Variants in TTC9C observed in about 807,000 individuals in gnomAD.
The protein encoded by TTC9C is tetratricopeptide repeat protein 9C.
In TTC9C, 15 loss-of-function variants were observed where a neutral mutation model predicts 22.5. That is an observed-to-expected ratio of 0.67 (90% CI 0.45 to 1.03). The LOEUF is 1.03. Among genes scored for constraint, TTC9C ranks in the 50% least tolerant of loss-of-function variants. The pLI, the probability that TTC9C is intolerant of heterozygous loss-of-function variation, is 0.00. For missense variants in TTC9C, 244 were observed against 214.6 expected (o/e 1.14, Z -0.86); for synonymous variants, 92 against 86.8 (o/e 1.06, Z -0.33).
In TTC9C at chr11:62,728,909, G is replaced by C. The variant is rs147928142; in HGVS notation, c.61G>C (p.Glu21Gln). The C allele has an allele frequency of 6.2e-7, 1 of 1,614,218 alleles. No individual in the cohort carries two copies. Among genetic ancestry groups the C allele is most frequent in the African/African-American group, 1.3e-5 (1 of 75,058 alleles). The change falls in exon 1 of 3, where the codon GAA becomes CAA. Residue 21 changes from glutamate (E) to glutamine (Q), a missense_variant. By Grantham distance (29) the Glu-to-Gln change is conservative. Coordinates refer to ENST00000316461, the MANE Select transcript of TTC9C (RefSeq NM_173810.4). ...YKEEGNQRYR[E>Q]GKYRDAVSRY... ...GGAGGAAGGGAACCAGCGCTACCGG[G>C]AAGGGAAGTACCGAGATGCTGTGAG...
At chr11:62,738,153 G>C in intron 2 of TTC9C, 135 bp from the exon 3 acceptor site, 1 of 479,580 alleles carries the variant, frequency 2.1e-6, no homozygotes, top group Non-Finnish European at 3.7e-6. Context: ...CTATTGCATA[G>C]AATGGTTGCG....
At chr11:62,733,463 C>T (rs979146402) in intron 1 of TTC9C, among the ~76,000 whole-genome samples, 2 of 152,140 alleles carry the variant, frequency 1.3e-5, no homozygotes, top group African/African-American at 4.8e-5. Flanking sequence ...ACAGCGCTTG[C>T]CATTTCCTGA....
Position 62,729,033 on chromosome 11 carries a change from A to C in TTC9C, c.185A>C (p.Glu62Ala). Residue 62 changes from glutamate to alanine, a missense_variant, in exon 1 of 3, where the codon GAA becomes GCA. By Grantham distance (107) the Glu-to-Ala change is moderately radical. Transcript: ENST00000316461. ...CCTCAGGGCCCGGCCCTCACGCCTGAACAAGAAAACATATTGCATACCACC... is the reference window on the plus strand; with the variant it reads ...CCTCAGGGCCCGGCCCTCACGCCTGCACAAGAAAACATATTGCATACCACC... ...LGPQGPALTP[E>A]QENILHTTQT... 1 of 1,614,178 alleles carries C rather than the reference A, an allele frequency of 6.2e-7. No individual in the cohort carries two copies. Among genetic ancestry groups the C allele is most frequent in the East Asian group, 2.2e-5 (1 of 44,894 alleles).
chr11:62,731,927 C>CT (rs2083855094), intron 1 of TTC9C, among the ~76,000 whole-genome samples: 1 of 145,548 alleles, frequency 6.9e-6, no homozygotes, highest in Non-Finnish European at 1.5e-5. Flanking sequence ...CCTAGTGATC[C>CT]TCCCGCCTTG....
chr11:62,730,513 T>C (rs934497137), intron 1 of TTC9C, among the ~76,000 whole-genome samples: 3 of 152,210 alleles, frequency 2.0e-5, no homozygotes, highest in Admixed American at 6.5e-5. Flanking sequence ...AAACACCCCA[T>C]TGGCATCTCA....
At position 62,735,421 on chromosome 11, in the gene TTC9C, T is replaced by A; in HGVS notation, c.278T>A (p.Val93Glu). 6.2e-7 allele frequency: 1 copy of A among 1,613,684 alleles called. No individual in the cohort carries two copies. The highest frequency in any genetic ancestry group is 8.5e-7 in the Non-Finnish European group (1 of 1,179,914). ...LQMEPVNYER[V>E]REYSQKVLER... ...ATGGAGCCCGTGAACTACGAACGAG[T>A]GAGAGAATATAGTCAGAAAGTCCTG... The change falls in exon 2 of 3, where the codon GTG becomes GAG. Residue 93 changes from valine to glutamate, a missense_variant. Coordinates refer to ENST00000316461, the MANE Select transcript of TTC9C (RefSeq NM_173810.4).
intron 2 of TTC9C, among the ~76,000 whole-genome samples, chr11:62,737,629 C>A (rs1272946632): frequency 1.3e-5 from 2 of 152,176 alleles, no homozygotes; most frequent in Non-Finnish European, 2.9e-5. Context: ...GCCATTTGTT[C>A]ATGTTTCTCA....
intron 1 of TTC9C, among the ~76,000 whole-genome samples, chr11:62,731,355 C>T (rs2083846900): frequency 6.6e-6 from 1 of 152,126 alleles, no homozygotes; most frequent in African/African-American, 2.4e-5. Flanking sequence ...TGCAGTGGCT[C>T]ACAACTGTAA....
At chr11:62,729,179 T>A in intron 1 of TTC9C, 93 bp downstream of exon 1, 1 of 1,143,472 alleles carries the variant, frequency 8.7e-7, no homozygotes. Context: ...CTTTTTTTTT[T>A]TTTTACTGTC....
chr11:62,733,068 T>G, intron 1 of TTC9C: 2 of 1,144,166 alleles, frequency 1.7e-6, no homozygotes, highest in Non-Finnish European at 1.2e-6. Flanking sequence ...TGCTGATTCT[T>G]GATCTTTCTC....
At chr11:62,735,807 A>T in intron 2 of TTC9C, 1 of 429,966 alleles carries the variant, frequency 2.3e-6, no homozygotes, top group South Asian at 3.8e-5. Flanking sequence ...TTAATCAGAC[A>T]TACACAATAT....
Position 62,735,399 on chromosome 11 carries a change from G to C in TTC9C, c.256G>C (p.Glu86Gln), listed in dbSNP as rs755679896. ...CCCATTAGCTTGTCTCCTTCAGATGGAGCCCGTGAACTACGAACGAGTGAG... is the reference window on the plus strand; with the variant it reads ...CCCATTAGCTTGTCTCCTTCAGATGCAGCCCGTGAACTACGAACGAGTGAG... ...NNLAACLLQM[E>Q]PVNYERVREY... The change falls in exon 2 of 3, where the codon GAG becomes CAG. Residue 86 changes from glutamate (E) to glutamine (Q), a missense_variant. Physicochemically the swap from Glu to Gln is conservative, Grantham distance 29. Coordinates refer to ENST00000316461, the MANE Select transcript of TTC9C (RefSeq NM_173810.4). 39 of 1,613,936 alleles carry C rather than the reference G, an allele frequency of 2.4e-5. No individual in the cohort carries two copies. The African/African-American group carries it at 4.9e-4, about 20-fold the overall frequency.
At chr11:62,734,199 G>A (rs1401295355) in intron 1 of TTC9C, among the ~76,000 whole-genome samples, 2 of 151,852 alleles carry the variant, frequency 1.3e-5, no homozygotes, top group African/African-American at 4.8e-5. Flanking sequence ...TCGGGAAGCT[G>A]AGGCAGGAGA....
At chr11:62,729,319 C>T (rs1418355037) in intron 1 of TTC9C, among the ~76,000 whole-genome samples, 1 of 152,072 alleles carries the variant, frequency 6.6e-6, no homozygotes, top group African/African-American at 2.4e-5. Context: ...GGCCCCATCC[C>T]CAGAGATTCG....
upstream of TTC9C, chr11:62,728,429 C>T (rs1170919358): frequency 8.9e-6 from 4 of 449,950 alleles, no homozygotes; most frequent in Admixed American, 2.5e-5. Flanking sequence ...CTAGTCCCGC[C>T]CACTCCCTTC....
chr11:62,738,185 A>G, intron 2 of TTC9C, 103 bp from the exon 3 acceptor site: 1 of 655,964 alleles, frequency 1.5e-6, no homozygotes. Context: ...TCTTGGAGAG[A>G]TTTTAAAATG....
At position 62,728,736 on chromosome 11, in the gene TTC9C, G is replaced by A. The variant is rs569844111; in HGVS notation, c.-113G>A. The A allele has an allele frequency of 1.0e-4, 107 of 1,030,410 alleles. No homozygotes were observed. The African/African-American group carries it at 1.6e-3, about 15-fold the overall frequency. The allele number at this position is 1,030,410 out of a possible 1,614,324, so 63.8% of individuals were successfully genotyped here. On this transcript the variant is annotated 5_prime_UTR_variant, in exon 1 of 3. Coordinates refer to ENST00000316461, the MANE Select transcript of TTC9C (RefSeq NM_173810.4). Reference sequence around the variant, plus strand: ...TGTGGGGGGACTCTCCAGGAAGAAGGGTAATTTCCTGCCTCCTTAAATTGG... The same window carrying A: ...TGTGGGGGGACTCTCCAGGAAGAAGAGTAATTTCCTGCCTCCTTAAATTGG...
intron 1 of TTC9C, among the ~76,000 whole-genome samples, chr11:62,733,811 G>T (rs1017360711): frequency 3.9e-5 from 6 of 151,904 alleles, no homozygotes; most frequent in African/African-American, 1.5e-4. Context: ...GACCAACATG[G>T]TGAAACCCCG....
intron 1 of TTC9C, among the ~76,000 whole-genome samples, chr11:62,733,414 G>A (rs1438211455): frequency 6.8e-6 from 1 of 147,626 alleles, no homozygotes; most frequent in Admixed American, 6.8e-5. Context: ...TAGTGTAGAT[G>A]CGAAGATTAA....
Sources: allele counts gnomAD v4.1 joint callset (sites outside exome capture counted in the v4.1 genomes callset), GRCh38; gene constraint gnomAD v4.1.1; transcripts MANE v1.5; gene names NCBI Gene and HGNC (gene_info 2026-07-23, HGNC 2026-07-21).